The following RABGAP1L variants were observed in gnomAD, a reference collection of about 807,000 sequenced individuals.
The protein encoded by RABGAP1L is rab GTPase-activating protein 1-like.
RABGAP1L carries 63 observed loss-of-function variants against 137.7 expected under a neutral mutation model. That is an observed-to-expected ratio of 0.46 (90% CI 0.37 to 0.56). The LOEUF (loss-of-function observed/expected upper bound fraction) is 0.56, where lower values mean the gene tolerates loss of function less well. Among genes scored for constraint, RABGAP1L ranks in the 20% least tolerant of loss-of-function variants. The pLI is 0.00. For synonymous variants in RABGAP1L, 431 were observed against 433.7 expected (o/e 0.99, Z 0.08); for missense variants, 1,095 against 1,244.0 (o/e 0.88, Z 1.80).
At chr1:174,972,545 C>T (rs920977495) in intron 21 of RABGAP1L, among the ~76,000 whole-genome samples, 1 of 152,246 alleles carries the variant, frequency 6.6e-6, no homozygotes, top group Middle Eastern at 3.4e-3. Flanking sequence ...GACAGTGTTT[C>T]AATCTTATCA....
At chr1:174,975,814 T>A (rs557711503) in intron 21 of RABGAP1L, among the ~76,000 whole-genome samples, 13 of 152,288 alleles carry the variant, frequency 8.5e-5, no homozygotes, top group African/African-American at 3.1e-4. Flanking sequence ...CCCCAGACAG[T>A]TTGTTGGATC....
At chr1:174,981,550 C>CTTTTTTTTTATTTTTTTTTTT (rs1671113565) in intron 23 of RABGAP1L, among the ~76,000 whole-genome samples, 1 of 66,406 alleles carries the variant, frequency 1.5e-5, no homozygotes, top group Non-Finnish European at 2.6e-5. Flanking sequence ...GTTTTTCCAT[C>CTTTTTTTTTATTTTTTTTTTT]TTTTTTTTTT....
intron 19 of RABGAP1L, among the ~76,000 whole-genome samples, chr1:174,929,759 A>AAT (rs1343279694): frequency 1.4e-5 from 2 of 142,554 alleles, no homozygotes; most frequent in Admixed American, 1.4e-4. Context: ...ACAAAAAATA[A>AAT]ATAAATAAAT....
intron 1 of RABGAP1L, among the ~76,000 whole-genome samples, chr1:174,177,562 A>G (rs767361309): frequency 1.2e-4 from 18 of 152,164 alleles, no homozygotes; most frequent in Non-Finnish European, 1.8e-4. Flanking sequence ...GCCCATGCCT[A>G]TGTCCTGAAT....
intron 18 of RABGAP1L, among the ~76,000 whole-genome samples, chr1:174,775,122 A>G (rs1187625396): frequency 6.6e-6 from 1 of 152,154 alleles, no homozygotes; most frequent in Non-Finnish European, 1.5e-5. Context: ...ATTTCAAGCA[A>G]AAGTGGAGGG....
intron 19 of RABGAP1L, among the ~76,000 whole-genome samples, chr1:174,909,038 G>A (rs935005926): frequency 6.6e-6 from 1 of 151,128 alleles, no homozygotes; most frequent in South Asian, 2.1e-4. Flanking sequence ...CATTAACCAG[G>A]TATGGTGGTA....
intron 13 of RABGAP1L, among the ~76,000 whole-genome samples, chr1:174,530,811 A>G (rs1558312726): frequency 7.6e-6 from 1 of 132,202 alleles, no homozygotes; most frequent in East Asian, 2.4e-4. Flanking sequence ...ACATACATAC[A>G]TACATACATA....
intron 19 of RABGAP1L, among the ~76,000 whole-genome samples, chr1:174,877,077 A>G (rs1653241853): frequency 6.6e-6 from 1 of 152,186 alleles, no homozygotes; most frequent in South Asian, 2.1e-4. Flanking sequence ...AAGATGAGCT[A>G]TTATGAAAAT....
chr1:174,640,077 T>G (rs548569354), intron 14 of RABGAP1L, among the ~76,000 whole-genome samples: 71 of 152,204 alleles, frequency 4.7e-4, no homozygotes, highest in African/African-American at 1.7e-3. Context: ...ATAAAAGCAA[T>G]AAAAGTTTTT....
chr1:174,804,244 GT>G (rs775066563), intron 18 of RABGAP1L, among the ~76,000 whole-genome samples: 1,251 of 100,266 alleles, frequency 0.012, 19 homozygotes, highest in African/African-American at 0.033. Flanking sequence ...CCCTGCGGAT[GT>G]TTTTTTTTTG....
intron 17 of RABGAP1L, among the ~76,000 whole-genome samples, chr1:174,741,059 GT>G (rs1005634510): frequency 1.3e-5 from 1 of 76,418 alleles, no homozygotes; most frequent in Non-Finnish European, 3.0e-5. Context: ...TTTTTTTTTT[GT>G]GTGTGGGAGC....
At chr1:174,887,610 CT>C (rs1212850417) in intron 19 of RABGAP1L, among the ~76,000 whole-genome samples, 1 of 94,694 alleles carries the variant, frequency 1.1e-5, no homozygotes. Context: ...TTTGCAAAAA[CT>C]TGGGGGGGGG....
intron 14 of RABGAP1L, among the ~76,000 whole-genome samples, chr1:174,663,465 A>ACAGCTTATT (rs1676540347): frequency 6.6e-6 from 1 of 152,202 alleles, no homozygotes; most frequent in Admixed American, 6.5e-5. Flanking sequence ...CATGTGTAAT[A>ACAGCTTATT]AGCTGTATCA....
Position 174,982,884 on chromosome 1 carries a change from G to A in RABGAP1L, c.2784G>A (p.Lys928=). ...TGGAGAAACAGCAAGCAGCCAGCAA[G>A]GAGGAGCTGGAAGTGGTAAAGGTAA... ...TRLEKQQAAS[K]EELEVVKGKM... The change falls in exon 24 of 26, where the codon AAG becomes AAA. Residue 928 remains lysine, a synonymous_variant. Transcript: ENST00000681986. 1 of 1,550,468 alleles carries A rather than the reference G, an allele frequency of 6.4e-7. No homozygotes were observed. The highest frequency in any genetic ancestry group is 1.4e-5 in the African/African-American group (1 of 73,152).
intron 11 of RABGAP1L, among the ~76,000 whole-genome samples, chr1:174,328,980 G>A (rs6681780): frequency 0.57 from 86,108 of 149,898 alleles, 27,047 homozygotes; most frequent in African/African-American, 0.85. Context: ...CAAAATTGAG[G>A]GAAGGAAAGA....
At chr1:174,248,468 T>C (rs1467333228) in intron 5 of RABGAP1L, among the ~76,000 whole-genome samples, 1 of 152,200 alleles carries the variant, frequency 6.6e-6, no homozygotes, top group African/African-American at 2.4e-5. Flanking sequence ...GGTAAAATAA[T>C]GAAGAAATTT....
chr1:174,175,603 C>T (rs551297483), intron 1 of RABGAP1L, among the ~76,000 whole-genome samples: 30 of 149,246 alleles, frequency 2.0e-4, no homozygotes, highest in Non-Finnish European at 3.3e-4. Context: ...ACTACAGGCA[C>T]GTGCCACCAC....
intron 13 of RABGAP1L, among the ~76,000 whole-genome samples, chr1:174,584,543 C>G (rs754227491): frequency 2.6e-5 from 4 of 152,110 alleles, no homozygotes; most frequent in Non-Finnish European, 5.9e-5. Flanking sequence ...GCCTGGGCAA[C>G]ATAGCAAGAC....
In RABGAP1L at chr1:174,955,150, G is replaced by A. The variant is rs182703176; in HGVS notation, c.2341-2307G>A. ...CTTGTTAGAGGTCTCTGGAGATGGA[G>A]TAATAAAGGATTCGTGTTTCTCATA... is the stretch of plus-strand genomic sequence containing the variant. On this transcript the variant is annotated intron_variant, in intron 19 of 25. Transcript: ENST00000681986. 9.3e-3 allele frequency among the ~76,000 whole-genome samples: 1,411 copies of A among 152,274 alleles called. 13 individuals are homozygous for A. Among genetic ancestry groups the A allele is most frequent in the South Asian group, 0.016 (79 of 4,828 alleles).
Sources: gnomAD v4.1 joint callset for allele counts (sites outside exome capture counted in the v4.1 genomes callset) on GRCh38, gnomAD v4.1.1 for gene constraint, MANE v1.5 for transcripts, NCBI Gene and HGNC (gene_info 2026-07-23, HGNC 2026-07-21) for gene names.